The following DNAJC17 variants were observed in gnomAD, a reference collection of about 807,000 sequenced individuals.
DNAJC17 encodes the protein dnaJ homolog subfamily C member 17.
Under a neutral mutation model 48.1 loss-of-function variants are expected in DNAJC17, and 35 were observed. That is an observed-to-expected ratio of 0.73 (90% CI 0.56 to 0.96). DNAJC17 has a LOEUF of 0.96. Among genes scored for constraint, DNAJC17 ranks in the 50% least tolerant of loss-of-function variants. The pLI is 0.00. For missense variants in DNAJC17, 355 were observed against 377.1 expected, an observed-to-expected ratio of 0.94 and a Z score of 0.48; for synonymous variants, 117 against 142.7, an observed-to-expected ratio of 0.82 and a Z score of 1.28.
chr15:40,770,868 G>C lies in DNAJC17; in HGVS notation c.793-2806C>G. 2 of 1,551,580 alleles carry C rather than the reference G, an allele frequency of 1.3e-6. No individual in the cohort carries two copies. The highest frequency in any genetic ancestry group is 1.7e-6 in the Non-Finnish European group (2 of 1,147,000). Reference sequence around the variant, plus strand: ...GTCGAGTGCCCTCCACCAGCACTCAGAGAAGGGCCTTGTGGACACTCCCTG... The same window carrying C: ...GTCGAGTGCCCTCCACCAGCACTCACAGAAGGGCCTTGTGGACACTCCCTG... On this transcript the variant is annotated intron_variant, in intron 10 of 10. Transcript: ENST00000220496. This position sits in a 1 kb window ranked among gnomAD's most constrained non-coding sequence, Gnocchi z 5.0.
Position 40,767,260 on chromosome 15 carries a change from G to A in DNAJC17, c.*680C>T. On this transcript the variant is annotated 3_prime_UTR_variant, in exon 11 of 11. Transcript: ENST00000220496. Reference sequence around the variant, plus strand: ...CTACGTCGATGACCCTCCCCGCATAGTCCTGGACAAGCTGGAACGCAGGGG... The same window carrying A: ...CTACGTCGATGACCCTCCCCGCATAATCCTGGACAAGCTGGAACGCAGGGG... 3 of 1,603,362 alleles carry A rather than the reference G, an allele frequency of 1.9e-6. No individual in the cohort carries two copies. Among genetic ancestry groups the A allele is most frequent in the Non-Finnish European group, 2.6e-6 (3 of 1,175,070 alleles).
intron 1 of DNAJC17, among the ~76,000 whole-genome samples, chr15:40,782,586 T>G (rs1449323725): frequency 1.3e-5 from 2 of 152,004 alleles, no homozygotes; most frequent in African/African-American, 4.8e-5. Flanking sequence ...TTCTCCCTTC[T>G]GCTTGGTGTG....
intron 7 of DNAJC17, chr15:40,775,346 T>C: frequency 2.7e-6 from 2 of 731,078 alleles, no homozygotes; most frequent in South Asian, 3.4e-5. Flanking sequence ...TAGAGAATCC[T>C]CTGCCCTGTG....
At chr15:40,781,510 T>C (rs1349745031) in intron 1 of DNAJC17, among the ~76,000 whole-genome samples, 1 of 151,668 alleles carries the variant, frequency 6.6e-6, no homozygotes, top group Non-Finnish European at 1.5e-5. Flanking sequence ...AAAAAAATAA[T>C]AAAAAATAAA....
chr15:40,794,216 G>A (rs571173740), intron 1 of DNAJC17, among the ~76,000 whole-genome samples: 4 of 152,102 alleles, frequency 2.6e-5, no homozygotes, highest in Non-Finnish European at 5.9e-5. Flanking sequence ...CAGGCATGGT[G>A]GTGCATGCCT....
At chr15:40,779,110 C>G (rs994414225) in intron 4 of DNAJC17, 113 bp downstream of exon 4, 1 of 1,069,200 alleles carries the variant, frequency 9.4e-7, no homozygotes, top group South Asian at 1.3e-5. Context: ...TTGCCCAGAG[C>G]CTGAGCCAAA....
Position 40,770,250 on chromosome 15 carries a change from C to T in DNAJC17, c.793-2188G>A, listed in dbSNP as rs1889090366. The T allele has an allele frequency of 7.2e-6, 4 of 555,288 alleles. No individual in the cohort carries two copies. The East Asian group carries it at 1.2e-4, about 17-fold the overall frequency. The allele number at this position is 555,288 out of a possible 1,614,324, so 34.4% of individuals were successfully genotyped here. The stretch of plus-strand genomic sequence containing the variant: ...ACCCTATTCAGTAACCAGGCCACTC[C>T]TGTCCCTGTGGGAAACTCTTGCTGC... On this transcript the variant is annotated intron_variant, in intron 10 of 10. Coordinates refer to ENST00000220496, the MANE Select transcript of DNAJC17 (RefSeq NM_018163.3). This position sits in a 1 kb window ranked among gnomAD's most constrained non-coding sequence, Gnocchi z 5.0.
At chr15:40,793,799 G>A (rs145747487) in intron 1 of DNAJC17, among the ~76,000 whole-genome samples, 7 of 151,998 alleles carry the variant, frequency 4.6e-5, no homozygotes, top group South Asian at 2.1e-4. Flanking sequence ...AAAACAATGC[G>A]ATCAAGGACA....
intron 1 of DNAJC17, among the ~76,000 whole-genome samples, chr15:40,782,444 C>T (rs1273487378): frequency 1.3e-5 from 2 of 151,816 alleles, no homozygotes; most frequent in African/African-American, 2.4e-5. Flanking sequence ...GAAAGAAACC[C>T]CAATATTTCT....
At chr15:40,787,796 G>A (rs1354550408) in intron 1 of DNAJC17, among the ~76,000 whole-genome samples, 1 of 152,112 alleles carries the variant, frequency 6.6e-6, no homozygotes, top group Non-Finnish European at 1.5e-5. Flanking sequence ...CTCTTGATGG[G>A]GGAAGGAACT....
At position 40,774,819 on chromosome 15, in the gene DNAJC17, A is replaced by T. The variant is rs951481106; in HGVS notation, c.600+212T>A. On this transcript the variant is annotated intron_variant, in intron 8 of 10. Coordinates refer to ENST00000220496, the MANE Select transcript of DNAJC17 (RefSeq NM_018163.3). ...AAGGGTTAGACCGAGGTAGCAAAGGACAGCGGGCTGGAAGGGGGCACATGG... is the reference window on the plus strand; with the variant it reads ...AAGGGTTAGACCGAGGTAGCAAAGGTCAGCGGGCTGGAAGGGGGCACATGG... 3 of 620,358 alleles carry T rather than the reference A, an allele frequency of 4.8e-6. No homozygotes were observed. The African/African-American group carries it at 5.5e-5, about 11-fold the overall frequency. The allele number at this position is 620,358 out of a possible 1,614,324, so 38.4% of individuals were successfully genotyped here.
chr15:40,797,843 C>T (rs1413040478), intron 1 of DNAJC17, among the ~76,000 whole-genome samples: 1 of 150,952 alleles, frequency 6.6e-6, no homozygotes, highest in Non-Finnish European at 1.5e-5. Context: ...CGCCTCACCC[C>T]CCTGGGTAGG....
At position 40,777,281 on chromosome 15, in the gene DNAJC17, CTTT is replaced by C. The variant is rs1162001252; in HGVS notation, c.296-657_296-655del. Among the ~76,000 whole-genome samples, 575 of 131,548 alleles carry C rather than the reference CTTT, an allele frequency of 4.4e-3. 7 individuals carry two copies. Among genetic ancestry groups the C allele is most frequent in the African/African-American group, 0.016 (555 of 34,868 alleles). The allele number at this position is 131,548 out of a possible 152,430, so 86.3% of individuals were successfully genotyped here. A position where few individuals can be genotyped will look rare whatever the true frequency, so the allele number is the denominator to read the frequency against. ...TTAGACTCTCCTTTTCTCTCTCTCTCTTTTTTTTTTTTTTTTTTTGAGATGGGG... is the reference window on the plus strand; with the variant it reads ...TTAGACTCTCCTTTTCTCTCTCTCTCTTTTTTTTTTTTTTTTGAGATGGGG... On this transcript the variant is annotated intron_variant, in intron 4 of 10. Transcript: ENST00000220496.
At position 40,773,807 on chromosome 15, in the gene DNAJC17, C is replaced by T. The variant is rs766553746; in HGVS notation, c.712G>A (p.Val238Met). ...CAGGAAATCTTCAGAGGGTTATCCA[C>T]CAGGCCAACTTCATTCTGGACAGCC... ...ELAVQNEVGL[V>M]DNPLKISWLE... is the part of the protein sequence containing the mutation. The change falls in exon 10 of 11, where the codon GTG (valine) becomes ATG (methionine). Residue 238 changes from valine (V) to methionine (M), a missense_variant. Around this residue, in one of 3 missense-constraint regions of DNAJC17, gnomAD observed 68 missense variants for 109.5 expected, o/e 0.62. Coordinates refer to ENST00000220496, the MANE Select transcript of DNAJC17 (RefSeq NM_018163.3). The T allele has an allele frequency of 9.3e-6, 15 of 1,614,068 alleles. No homozygotes were observed. In the East Asian group the frequency reaches 3.3e-4, roughly 36 times the overall value.
At chr15:40,779,818 A>C in intron 2 of DNAJC17, 110 bp downstream of exon 2, 1 of 1,314,854 alleles carries the variant, frequency 7.6e-7, no homozygotes, top group Non-Finnish European at 1.1e-6. Context: ...GCCTGGAGCC[A>C]GGCAATGTGT....
chr15:40,803,825 A>G (rs989830765), intron 1 of DNAJC17, among the ~76,000 whole-genome samples: 1 of 151,810 alleles, frequency 6.6e-6, no homozygotes, highest in Non-Finnish European at 1.5e-5. Flanking sequence ...CCCTTATCTC[A>G]TCTGAGTTAG....
intron 1 of DNAJC17, among the ~76,000 whole-genome samples, chr15:40,781,778 C>T (rs1361138834): frequency 6.7e-6 from 1 of 148,826 alleles, no homozygotes; most frequent in Admixed American, 6.6e-5. Context: ...AAAAATTAGC[C>T]AGGCATGGTG....
chr15:40,773,288 G>A (rs1428437850), intron 10 of DNAJC17, among the ~76,000 whole-genome samples: 1 of 152,038 alleles, frequency 6.6e-6, no homozygotes, highest in Non-Finnish European at 1.5e-5. Context: ...AGGAGATATT[G>A]CCTCTTGACA....
At chr15:40,793,307 A>G (rs978286660) in intron 1 of DNAJC17, among the ~76,000 whole-genome samples, 5 of 152,158 alleles carry the variant, frequency 3.3e-5, no homozygotes, top group Non-Finnish European at 5.9e-5. Flanking sequence ...ATTTTCTTAT[A>G]TACTCTTACT....
Sources: allele counts gnomAD v4.1 joint callset (sites outside exome capture counted in the v4.1 genomes callset), GRCh38; gene constraint gnomAD v4.1.1; regional missense constraint gnomAD v4.1.1; non-coding constraint Gnocchi (gnomAD v3.1); transcripts MANE v1.5; gene names NCBI Gene and HGNC (gene_info 2026-07-23, HGNC 2026-07-21).